KAZN: variants seen among roughly 807,000 people sequenced by gnomAD.
KAZN encodes the protein kazrin.
In KAZN, 40 loss-of-function variants were observed where a neutral mutation model predicts 87.4. The ratio of observed to expected loss-of-function variants is 0.46; its 90% CI spans 0.36 to 0.60. The LOEUF is 0.60. Ranked by LOEUF, KAZN falls within the 20% of genes least tolerant of loss-of-function variation. The probability of loss-of-function intolerance (pLI) is 0.00; values close to 1 mark genes in which losing one functional copy is unlikely to be tolerated. For missense variants in KAZN, 898 were observed against 1,073.9 expected, an observed-to-expected ratio of 0.84 and a Z score of 2.29; for synonymous variants, 466 against 458.3, an observed-to-expected ratio of 1.02 and a Z score of -0.22.
At chr1:14,464,695 T>C (rs778509350) in intron 2 of KAZN, among the ~76,000 whole-genome samples, 1 of 151,880 alleles carries the variant, frequency 6.6e-6, no homozygotes, top group Non-Finnish European at 1.5e-5. Context: ...CATGCCACCA[T>C]GCCTGGCTAA....
intron 1 of KAZN, among the ~76,000 whole-genome samples, chr1:13,974,355 C>G (rs1237058121): frequency 6.6e-6 from 1 of 151,788 alleles, no homozygotes; most frequent in Admixed American, 6.6e-5. Context: ...TTGGCAGATA[C>G]CAGCTGTAGT....
At chr1:14,988,932 G>A (rs1667093309) in intron 2 of KAZN, among the ~76,000 whole-genome samples, 2 of 152,252 alleles carry the variant, frequency 1.3e-5, no homozygotes, top group African/African-American at 4.8e-5. Context: ...TCCTGGGGGA[G>A]GTCCTCGCAC....
intron 2 of KAZN, among the ~76,000 whole-genome samples, chr1:14,327,423 C>T (rs989570395): frequency 9.9e-5 from 15 of 152,130 alleles, no homozygotes; most frequent in Non-Finnish European, 1.9e-4. Flanking sequence ...GCCGAACCCA[C>T]CTCATTTGCT....
At chr1:15,076,711 C>G (rs1034869994) in intron 8 of KAZN, among the ~76,000 whole-genome samples, 8 of 152,202 alleles carry the variant, frequency 5.3e-5, no homozygotes, top group African/African-American at 1.9e-4. Flanking sequence ...TTGAGTCCCC[C>G]TCTCTGGGGA....
chr1:14,301,260 C>T (rs1257088606), intron 2 of KAZN, among the ~76,000 whole-genome samples: 3 of 152,210 alleles, frequency 2.0e-5, no homozygotes, highest in Non-Finnish European at 4.4e-5. Context: ...TATCTGATGA[C>T]AATGGCATCT....
chr1:14,265,251 G>A (rs774942747), intron 2 of KAZN, among the ~76,000 whole-genome samples: 4 of 152,176 alleles, frequency 2.6e-5, no homozygotes, highest in Non-Finnish European at 5.9e-5. Flanking sequence ...AGGCCTCCTT[G>A]TAACCTCTCA....
At chr1:15,103,512 T>C (rs923389394) in intron 12 of KAZN, 52 bp downstream of exon 12, 8 of 1,170,662 alleles carry the variant, frequency 6.8e-6, no homozygotes, top group Middle Eastern at 1.9e-4. Context: ...ACAAACCCCA[T>C]GCAAATCTAT....
Position 15,112,656 on chromosome 1 carries a change from C to T in KAZN, c.2163+115C>T, listed in dbSNP as rs898627805. Reference sequence around the variant, plus strand: ...GGCCTGTGAAGGTGGAGTGCCAGGCCGGGTCACGGGGGCATCCAGGACAGA... The same window carrying T: ...GGCCTGTGAAGGTGGAGTGCCAGGCTGGGTCACGGGGGCATCCAGGACAGA... On this transcript the variant is annotated intron_variant, in intron 14 of 14. Coordinates refer to ENST00000376030, the MANE Select transcript of KAZN (RefSeq NM_201628.3). 2.4e-4 allele frequency: 163 copies of T among 686,872 alleles called. 2 individuals carry two copies. Among genetic ancestry groups the T allele is most frequent in the South Asian group, 1.1e-3 (60 of 55,284 alleles). 42.5% of individuals were successfully genotyped at this position (686,872 alleles called of 1,614,324 possible).
rs1639052353 is a variant in KAZN, at chr1:13,896,521, G to T, written c.91+2765G>T. Among the ~76,000 whole-genome samples, 4 of 152,066 alleles carry T rather than the reference G, an allele frequency of 2.6e-5. No homozygotes were observed. The South Asian group carries it at 8.3e-4, about 32-fold the overall frequency. On this transcript the variant is annotated intron_variant, in intron 1 of 16. Transcript: ENST00000636203. The stretch of plus-strand genomic sequence containing the variant: ...TGCCCAGGCTGGTCTTGAACTCCTG[G>T]GCTCAAGCGATCCTTCTGTCTCAGC...
At chr1:14,322,758 C>T (rs1194165015) in intron 2 of KAZN, among the ~76,000 whole-genome samples, 1 of 152,190 alleles carries the variant, frequency 6.6e-6, no homozygotes, top group Non-Finnish European at 1.5e-5. Context: ...CAAGACAAGC[C>T]ATCACTATCT....
Position 15,056,642 on chromosome 1 carries a change from C to G in KAZN, c.916+362C>G, listed in dbSNP as rs1031316765. Among the ~76,000 whole-genome samples, 9 of 152,188 alleles carry G rather than the reference C, an allele frequency of 5.9e-5. No individual in the cohort carries two copies. Among genetic ancestry groups the G allele is most frequent in the Admixed American group, 5.2e-4 (8 of 15,284 alleles). ...TAAGAAAGAAAAACTATCTCTTTCC[C>G]CCTGTGTCCATAGCAAATCCCAAAG... On this transcript the variant is annotated intron_variant, in intron 5 of 14. Coordinates refer to ENST00000376030, the MANE Select transcript of KAZN (RefSeq NM_201628.3). This position sits in a 1 kb window ranked among gnomAD's most constrained non-coding sequence, Gnocchi z 5.4.
chr1:14,205,960 A>G (rs1646735214), intron 2 of KAZN, among the ~76,000 whole-genome samples: 2 of 148,506 alleles, frequency 1.3e-5, no homozygotes, highest in Non-Finnish European at 3.0e-5. Flanking sequence ...AACGTGGCGC[A>G]TGTATACATA....
At chr1:13,956,438 G>C (rs1641554272) in intron 1 of KAZN, among the ~76,000 whole-genome samples, 1 of 149,542 alleles carries the variant, frequency 6.7e-6, no homozygotes, top group African/African-American at 2.5e-5. Context: ...TTTAATTCCT[G>C]CCTGTTCCTG....
At chr1:15,112,592 C>CTTTTTTTTCTTCTCCCAGCGGCAGGTT in intron 14 of KAZN, 51 bp downstream of exon 14, 1 of 1,234,738 alleles carries the variant, frequency 8.1e-7, no homozygotes, top group Admixed American at 2.0e-5. Flanking sequence ...CGGGAAAGGT[C>CTTTTTTTTCTTCTCCCAGCGGCAGGTT]TTTTTTTCTC....
intron 1 of KAZN, among the ~76,000 whole-genome samples, chr1:14,768,107 A>T (rs1237249660): frequency 6.6e-6 from 1 of 152,206 alleles, no homozygotes; most frequent in Non-Finnish European, 1.5e-5. Context: ...AAAGTCCAAG[A>T]TCAACTCTCA....
chr1:13,904,383 G>A (rs986154765), intron 1 of KAZN, among the ~76,000 whole-genome samples: 2 of 152,144 alleles, frequency 1.3e-5, no homozygotes, highest in Admixed American at 6.5e-5. Context: ...GGTTGGAGAA[G>A]TTGGGTTGTA....
chr1:14,663,491 C>T (rs1408189465), intron 1 of KAZN, among the ~76,000 whole-genome samples: 1 of 152,184 alleles, frequency 6.6e-6, no homozygotes, highest in East Asian at 1.9e-4. Flanking sequence ...AGTCAGTGTT[C>T]AGAGGTGTCT....
intron 3 of KAZN, among the ~76,000 whole-genome samples, chr1:15,039,999 T>C (rs979488982): frequency 2.6e-5 from 4 of 152,202 alleles, no homozygotes; most frequent in Non-Finnish European, 5.9e-5. Context: ...AAGATATGAA[T>C]ATTAGAAGTG....
chr1:14,732,858 C>T (rs1165789140), intron 1 of KAZN, among the ~76,000 whole-genome samples: 2 of 152,030 alleles, frequency 1.3e-5, no homozygotes, highest in Non-Finnish European at 2.9e-5. Flanking sequence ...GAGAAAATAT[C>T]AGGACACCTG....
Sources: allele counts gnomAD v4.1 joint callset (sites outside exome capture counted in the v4.1 genomes callset), GRCh38; gene constraint gnomAD v4.1.1; non-coding constraint Gnocchi (gnomAD v3.1); transcripts MANE v1.5; gene names NCBI Gene and HGNC (gene_info 2026-07-23, HGNC 2026-07-21).